ZFYVE9: variants seen among roughly 807,000 people sequenced by gnomAD.
ZFYVE9 encodes zinc finger FYVE domain-containing protein 9.
In ZFYVE9, 43 loss-of-function variants were observed where a neutral mutation model predicts 126.7. The ratio of observed to expected loss-of-function variants is 0.34; its 90% CI spans 0.27 to 0.44. ZFYVE9 has a LOEUF of 0.44. Ranked by LOEUF, ZFYVE9 falls within the 20% of genes least tolerant of loss-of-function variation. The probability of loss-of-function intolerance (pLI) is 1.00; values close to 1 mark genes in which losing one functional copy is unlikely to be tolerated. For synonymous variants in ZFYVE9, 521 were observed against 597.4 expected, an observed-to-expected ratio of 0.87 and a Z score of 1.87; for missense variants, 1,476 against 1,697.0, an observed-to-expected ratio of 0.87 and a Z score of 2.29.
At chr1:52,331,713 C>T (rs1429420337) in intron 13 of ZFYVE9, among the ~76,000 whole-genome samples, 25 of 149,324 alleles carry the variant, frequency 1.7e-4, no homozygotes, top group African/African-American at 5.9e-4. Context: ...GATCGAGCCA[C>T]TGCATTCCAG....
intron 4 of ZFYVE9, among the ~76,000 whole-genome samples, chr1:52,240,028 A>G (rs1280950483): frequency 1.3e-5 from 2 of 152,242 alleles, no homozygotes; most frequent in African/African-American, 4.8e-5. Context: ...AATATTACAC[A>G]TAGAATCCAT....
intron 12 of ZFYVE9, 106 bp downstream of exon 12, chr1:52,296,083 C>A: frequency 2.3e-6 from 2 of 887,708 alleles, no homozygotes; most frequent in Non-Finnish European, 3.5e-6. Flanking sequence ...CTGCTTAAGG[C>A]AGGTAAAGAT....
chr1:52,321,730 T>G (rs1003674522), intron 13 of ZFYVE9, among the ~76,000 whole-genome samples: 1 of 152,150 alleles, frequency 6.6e-6, no homozygotes, highest in Non-Finnish European at 1.5e-5. Flanking sequence ...GACCATCAGC[T>G]CTAATCTCAT....
chr1:52,247,352 T>C (rs1042063318), intron 4 of ZFYVE9, among the ~76,000 whole-genome samples: 7 of 152,234 alleles, frequency 4.6e-5, no homozygotes, highest in African/African-American at 1.7e-4. Flanking sequence ...AGTCTGCTGA[T>C]ACATTCTAAA....
intron 14 of ZFYVE9, among the ~76,000 whole-genome samples, chr1:52,333,191 G>A (rs1240107485): frequency 6.6e-6 from 1 of 151,656 alleles, no homozygotes; most frequent in Non-Finnish European, 1.5e-5. Flanking sequence ...TGTAAATGAC[G>A]AGTTGATGGG....
At chr1:52,218,525 T>C (rs1645093632) in intron 2 of ZFYVE9, among the ~76,000 whole-genome samples, 1 of 152,176 alleles carries the variant, frequency 6.6e-6, no homozygotes, top group Non-Finnish European at 1.5e-5. Context: ...TGTGGGGTGC[T>C]GGAAGAGAGC....
chr1:52,290,929 T>C (rs1194923320), intron 10 of ZFYVE9, among the ~76,000 whole-genome samples: 2 of 152,208 alleles, frequency 1.3e-5, no homozygotes, highest in Non-Finnish European at 2.9e-5. Context: ...TACATGGACA[T>C]TGAGGCTCAG....
rs1644686793 is a variant in ZFYVE9, at chr1:52,180,399, CTGACAAGAGA to C, written c.-142-35966_-142-35957del. On this transcript the variant is annotated intron_variant, in intron 1 of 18. Transcript: ENST00000287727. ...TCCTCTGGTGTTTGGCGGCATTAAC[CTGACAAGAGA>C]TGAGTTGCAGTGAAAACTGTCTGAA... 3 of 1,514,460 alleles carry C rather than the reference CTGACAAGAGA, an allele frequency of 2.0e-6. No homozygotes were observed. The South Asian group carries it at 3.4e-5, about 17-fold the overall frequency. 93.8% of individuals were successfully genotyped at this position (1,514,460 alleles called of 1,614,324 possible).
intron 1 of ZFYVE9, chr1:52,179,756 TAA>T (rs1157778619): frequency 9.3e-6 from 4 of 428,192 alleles, no homozygotes; most frequent in African/African-American, 2.0e-5. Flanking sequence ...AGGAGAGTTT[TAA>T]AAAAGAGTGT....
Position 52,334,760 on chromosome 1 carries a change from T to C in ZFYVE9, c.3662T>C (p.Ile1221Thr), listed in dbSNP as rs1422096747. The change falls in exon 15 of 19, where the codon ATT becomes ACT. Residue 1221 changes from isoleucine to threonine, a missense_variant. This residue lies in a region of ZFYVE9 where 669 missense variants were observed against 902.4 expected (regional missense o/e 0.74). Coordinates refer to ENST00000287727, the MANE Select transcript of ZFYVE9 (RefSeq NM_004799.4). ...SSSGYLAKSS[I>T]VEDGVMVQIT... Reference sequence around the variant, plus strand: ...TCTGGATACCTTGCCAAGTCCAGTATTGTGGAAGGTAAAGAATGAATTGTT... The same window carrying C: ...TCTGGATACCTTGCCAAGTCCAGTACTGTGGAAGGTAAAGAATGAATTGTT... The C allele has an allele frequency of 6.2e-7, 1 of 1,613,892 alleles. No homozygotes were observed. Among genetic ancestry groups the C allele is most frequent in the East Asian group, 2.2e-5 (1 of 44,862 alleles).
chr1:52,300,293 T>C (rs918556903), intron 12 of ZFYVE9, among the ~76,000 whole-genome samples: 1 of 151,758 alleles, frequency 6.6e-6, no homozygotes, highest in Non-Finnish European at 1.5e-5. Context: ...GAGAGAACAA[T>C]AAGAAAAAAA....
chr1:52,258,607 C>T lies in ZFYVE9; in HGVS notation c.2179-5166C>T, dbSNP rs1277613823. On this transcript the variant is annotated intron_variant, in intron 4 of 18. Transcript: ENST00000287727. Reference sequence around the variant, plus strand: ...TTTTTAGGCAAAATTGACTATTATCCAGTAATTTCAAATTCAGGATTATTT... The same window carrying T: ...TTTTTAGGCAAAATTGACTATTATCTAGTAATTTCAAATTCAGGATTATTT... 2.0e-5 allele frequency among the ~76,000 whole-genome samples: 3 copies of T among 152,128 alleles called. No homozygotes were observed. In the South Asian group the frequency reaches 6.2e-4, roughly 32 times the overall value.
chr1:52,198,032 G>A (rs1644878012), intron 1 of ZFYVE9, among the ~76,000 whole-genome samples: 1 of 151,906 alleles, frequency 6.6e-6, no homozygotes, highest in African/African-American at 2.4e-5. Flanking sequence ...TAAAGACTTT[G>A]GAAGAAAAGG....
chr1:52,161,305 T>C (rs1644455430), intron 1 of ZFYVE9, among the ~76,000 whole-genome samples: 1 of 152,228 alleles, frequency 6.6e-6, no homozygotes, highest in African/African-American at 2.4e-5. Flanking sequence ...TTATTTTTTT[T>C]TGGAGACAGA....
chr1:52,314,662 AG>A (rs1646166499), intron 13 of ZFYVE9, among the ~76,000 whole-genome samples: 1 of 152,000 alleles, frequency 6.6e-6, no homozygotes, highest in South Asian at 2.1e-4. Flanking sequence ...TACTAAAAAT[AG>A]AAAAAAATTA....
intron 7 of ZFYVE9, among the ~76,000 whole-genome samples, chr1:52,273,161 C>G (rs1011552617): frequency 1.3e-5 from 2 of 151,948 alleles, no homozygotes; most frequent in Admixed American, 1.3e-4. Flanking sequence ...CATGCGCCAC[C>G]ACGCCCAACT....
At chr1:52,326,744 C>T (rs1646295774) in intron 13 of ZFYVE9, among the ~76,000 whole-genome samples, 1 of 151,006 alleles carries the variant, frequency 6.6e-6, no homozygotes, top group Non-Finnish European at 1.5e-5. Context: ...ATGCCTGTGC[C>T]TGTAATCCCA....
chr1:52,224,708 T>C (rs781261618), intron 2 of ZFYVE9, among the ~76,000 whole-genome samples: 2 of 152,220 alleles, frequency 1.3e-5, no homozygotes, highest in Non-Finnish European at 2.9e-5. Context: ...ATCCTTCCAG[T>C]ATTTTAACAT....
intron 5 of ZFYVE9, among the ~76,000 whole-genome samples, chr1:52,264,856 T>C (rs1424249771): frequency 6.6e-6 from 1 of 152,224 alleles, no homozygotes; most frequent in Non-Finnish European, 1.5e-5. Context: ...TTCTGAATTC[T>C]TACAATTTTG....
Sources: gnomAD v4.1 joint callset for allele counts (sites outside exome capture counted in the v4.1 genomes callset) on GRCh38, gnomAD v4.1.1 for gene constraint, gnomAD v4.1.1 regional missense constraint, MANE v1.5 for transcripts, NCBI Gene and HGNC (gene_info 2026-07-23, HGNC 2026-07-21) for gene names.